Variants in TMSB15B observed in about 807,000 individuals in gnomAD.
TMSB15B encodes thymosin beta 15B.
In TMSB15B at chrX:103,928,917, C is replaced by T. The variant is rs781927109; in HGVS notation, c.-721+9625C>T. Reference sequence around the variant, plus strand: ...TTCTCCTGATCTACCGTGGAGGCTCCCTGGTCATCCTAAGGTCCAGTGTGA... The same window carrying T: ...TTCTCCTGATCTACCGTGGAGGCTCTCTGGTCATCCTAAGGTCCAGTGTGA... On this transcript the variant is annotated intron_variant, in intron 1 of 3. Coordinates refer to the TMSB15B transcript ENST00000419165. 1.5e-4 allele frequency: 176 copies of T among 1,205,609 alleles called. No homozygotes were observed. In the African/African-American group the frequency reaches 2.7e-3, roughly 18 times the overall value.
chrX:103,929,975 G>T (rs376657301), intron 1 of TMSB15B, among the ~76,000 whole-genome samples: 2 of 110,380 alleles, frequency 1.8e-5, no homozygotes, highest in African/African-American at 6.6e-5. Context: ...CAATTAACTC[G>T]TCATTTAGCA....
intron 1 of TMSB15B, among the ~76,000 whole-genome samples, chrX:103,927,206 G>A (rs1201748505): frequency 9.0e-6 from 1 of 110,881 alleles, no homozygotes; most frequent in Admixed American, 9.6e-5. Flanking sequence ...CCCTGGGGAC[G>A]TTTGGCAAGG....
intron 1 of TMSB15B, among the ~76,000 whole-genome samples, chrX:103,943,988 G>T (rs2075018891): frequency 1.8e-5 from 2 of 111,830 alleles, no homozygotes; most frequent in African/African-American, 6.5e-5. Context: ...TTTAGAAGTG[G>T]TCTTGTTGAT....
intron 1 of TMSB15B, among the ~76,000 whole-genome samples, chrX:103,950,255 T>C (rs782214096): frequency 6.3e-5 from 7 of 111,382 alleles, no homozygotes; most frequent in Non-Finnish European, 1.1e-4. Flanking sequence ...AATAGGTATC[T>C]GGAGGAAGAA....
intron 1 of TMSB15B, among the ~76,000 whole-genome samples, chrX:103,929,920 A>G (rs1474067242): frequency 9.1e-6 from 1 of 110,287 alleles, no homozygotes; most frequent in Non-Finnish European, 1.9e-5. Context: ...CACAATGTGC[A>G]GGTTAGTTAC....
chrX:103,935,559 T>C (rs1421706246), intron 1 of TMSB15B, among the ~76,000 whole-genome samples: 2 of 111,664 alleles, frequency 1.8e-5, no homozygotes, highest in Non-Finnish European at 3.8e-5. Context: ...TTTCTGCATA[T>C]GGCTAGCTTG....
intron 1 of TMSB15B, chrX:103,927,970 C>G: frequency 2.5e-6 from 1 of 406,237 alleles, no homozygotes; most frequent in Non-Finnish European, 4.2e-6. Context: ...TTCTGTCGAC[C>G]TGAGTTTCTT....
chrX:103,926,234 G>A (rs1242765055), intron 1 of TMSB15B, among the ~76,000 whole-genome samples: 1 of 109,390 alleles, frequency 9.1e-6, no homozygotes, highest in Non-Finnish European at 1.9e-5. Flanking sequence ...AGGAGGCTGA[G>A]CCTCCATGTC....
intron 1 of TMSB15B, chrX:103,932,604 A>G (rs1376552316): frequency 1.8e-5 from 2 of 112,284 alleles, no homozygotes; most frequent in Admixed American, 9.5e-5. Context: ...CAACTGAAGC[A>G]TGTTATAATT....
chrX:103,922,914 T>C (rs1448180365), intron 1 of TMSB15B, among the ~76,000 whole-genome samples: 1 of 112,466 alleles, frequency 8.9e-6, no homozygotes, highest in African/African-American at 3.2e-5. Flanking sequence ...TGGTGTGAGA[T>C]GCTATCTCAT....
chrX:103,945,676 T>A (rs2075023691), intron 1 of TMSB15B, among the ~76,000 whole-genome samples: 1 of 112,150 alleles, frequency 8.9e-6, no homozygotes, highest in Non-Finnish European at 1.9e-5. Context: ...AAATATTAGT[T>A]GAATTAAATG....
chrX:103,932,690 T>G (rs1465091976), intron 1 of TMSB15B: 30 of 111,692 alleles, frequency 2.7e-4, no homozygotes, highest in African/African-American at 9.1e-4. Context: ...CTTGTCAACT[T>G]TTTCCACTTA....
chrX:103,919,228 A>G (rs1407409784), exon 1 of TMSB15B: 1 of 113,054 alleles, frequency 8.8e-6, no homozygotes, highest in African/African-American at 3.2e-5. Flanking sequence ...GCCGACAGGC[A>G]CGGGAGCCGG....
intron 1 of TMSB15B, chrX:103,932,297 G>A (rs2074986836): frequency 1.8e-5 from 2 of 111,425 alleles, no homozygotes; most frequent in South Asian, 7.6e-4. Flanking sequence ...GGGATATGAC[G>A]CTATCTCCAG....
At chrX:103,930,723 TTGATAATAA>T (rs2074982314) in intron 1 of TMSB15B, among the ~76,000 whole-genome samples, 1 of 74,576 alleles carries the variant, frequency 1.3e-5, no homozygotes, top group Non-Finnish European at 2.5e-5. Context: ...AATGATGCTG[TTGATAATAA>T]TAATAATAAT....
At chrX:103,944,717 T>G (rs1362451067) in intron 1 of TMSB15B, among the ~76,000 whole-genome samples, 1 of 112,326 alleles carries the variant, frequency 8.9e-6, no homozygotes, top group African/African-American at 3.2e-5. Flanking sequence ...TTCCAGAATC[T>G]TCCAAGTCAC....
chrX:103,926,432 G>A (rs2074968126), intron 1 of TMSB15B, among the ~76,000 whole-genome samples: 1 of 82,913 alleles, frequency 1.2e-5, no homozygotes, highest in Non-Finnish European at 2.3e-5. Flanking sequence ...AGGGGATATG[G>A]ATAGAGTGGG....
chrX:103,930,057 C>G (rs2074980325), intron 1 of TMSB15B, among the ~76,000 whole-genome samples: 1 of 110,578 alleles, frequency 9.0e-6, no homozygotes, highest in Non-Finnish European at 1.9e-5. Context: ...GTTAGTATGA[C>G]ATAAAGATCA....
chrX:103,944,803 TG>T (rs2147823724), intron 1 of TMSB15B, among the ~76,000 whole-genome samples: 2 of 112,415 alleles, frequency 1.8e-5, no homozygotes, highest in South Asian at 7.4e-4. Flanking sequence ...CTTTCTTTTA[TG>T]TTTTTTTGAG....
Sources: gnomAD v4.1 joint callset for allele counts (sites outside exome capture counted in the v4.1 genomes callset) on GRCh38, gnomAD v4.1.1 for gene constraint, MANE v1.5 for transcripts, NCBI Gene and HGNC (gene_info 2026-07-23, HGNC 2026-07-21) for gene names.